Variants in DPP7 observed in about 807,000 individuals in gnomAD.
DPP7 encodes dipeptidyl peptidase 7.
A neutral mutation model predicts 58.8 loss-of-function variants in DPP7; 74 were observed. The observed-to-expected ratio is 1.26, with a 90% CI of 1.04 to 1.53. The LOEUF (loss-of-function observed/expected upper bound fraction) is 1.53, where lower values mean the gene tolerates loss of function less well. DPP7 is among the 40% of genes most tolerant of loss of function. The pLI is 0.00. For missense variants in DPP7, 807 were observed against 692.3 expected (o/e 1.17, Z -1.86); for synonymous variants, 350 against 303.6 (o/e 1.15, Z -1.59).
intron 8 of DPP7, 145 bp from the exon 9 acceptor site, chr9:137,112,375 C>T (rs1588664036): frequency 4.2e-6 from 3 of 712,726 alleles, no homozygotes; most frequent in Non-Finnish European, 6.8e-6. Context: ...GCCCTCCAGG[C>T]TACCTGCTTG....
chr9:137,117,160 T>C (rs1831657366), upstream of DPP7, among the ~76,000 whole-genome samples: 3 of 152,332 alleles, frequency 2.0e-5, no homozygotes, highest in South Asian at 6.2e-4. Context: ...GTGTCTTATT[T>C]CTTTTCTCAG....
At position 137,111,629 on chromosome 9, in the gene DPP7, C is replaced by A. The variant is rs1391500221; in HGVS notation, c.1272+61G>T. The stretch of plus-strand genomic sequence containing the variant: ...TTCCAGCCTGGGCGCCAGAGAAAGA[C>A]CCTGTCTCAAAAAAAAAACAAACAA... On this transcript the variant is annotated intron_variant, in intron 11 of 12. Coordinates refer to ENST00000371579, the MANE Select transcript of DPP7 (RefSeq NM_013379.3). 6 of 1,575,914 alleles carry A rather than the reference C, an allele frequency of 3.8e-6. No individual in the cohort carries two copies. In the African/African-American group the frequency reaches 6.8e-5, roughly 18 times the overall value.
rs1331587612 is a variant in DPP7 at position 137,113,188 on chromosome 9, G to A, written c.703+18C>T. Reference sequence around the variant, plus strand: ...GCTGGGGCGGGTCAGGCAGTGGGAGGCGGTGGGAGGACCTCACCTCCCTGT... The same window carrying A: ...GCTGGGGCGGGTCAGGCAGTGGGAGACGGTGGGAGGACCTCACCTCCCTGT... On this transcript the variant is annotated intron_variant, in intron 6 of 12. Coordinates refer to ENST00000371579, the MANE Select transcript of DPP7 (RefSeq NM_013379.3). The A allele has an allele frequency of 3.1e-6, 5 of 1,613,646 alleles. No individual in the cohort carries two copies. The South Asian group carries it at 5.5e-5, about 18-fold the overall frequency.
At chr9:137,114,972 T>G, upstream of DPP7, 2 of 311,962 alleles carry the variant, frequency 6.4e-6, no homozygotes, top group Admixed American at 5.1e-5. Context: ...CTCGTCCTCC[T>G]ACCGCGGCCC....
chr9:137,111,812 G>A (rs1164448699), intron 10 of DPP7, 58 bp from the exon 11 acceptor site: 6 of 1,613,020 alleles, frequency 3.7e-6, no homozygotes, highest in African/African-American at 2.7e-5. Flanking sequence ...TGAGCCATGG[G>A]CAGGGGGTGC....
upstream of DPP7, among the ~76,000 whole-genome samples, chr9:137,117,166 C>T (rs1831657424): frequency 6.6e-6 from 1 of 152,222 alleles, no homozygotes; most frequent in South Asian, 2.1e-4. Context: ...TATTTCTTTT[C>T]TCAGTCTCTC....
chr9:137,113,866 T>C lies in DPP7; in HGVS notation c.484A>G (p.Ser162Gly). 1 of 1,535,870 alleles carries C rather than the reference T, an allele frequency of 6.5e-7. No individual in the cohort carries two copies. Among genetic ancestry groups the C allele is most frequent in the South Asian group, 1.2e-5 (1 of 83,990 alleles). ...GCGGAGGCCGGGGGAGGCGCCCACC[T>C]TCCACCGAAGGCGATGGCGGGGGCA... ...QDAPAIAFGGSYGGMLSAYLR... is the reference protein window; with the variant it reads ...QDAPAIAFGGGYGGMLSAYLR... Residue 162 changes from serine (S) to glycine (G), a missense_variant and splice_region_variant, in exon 4 of 13, where the codon AGT (serine) becomes GGT (glycine). This residue lies in a region of DPP7 where 624 missense variants were observed against 531.2 expected (regional missense o/e 1.17). Transcript: ENST00000371579.
intron 11 of DPP7, 53 bp downstream of exon 11, chr9:137,111,637 C>G: frequency 7.4e-7 from 1 of 1,352,946 alleles, no homozygotes; most frequent in Non-Finnish European, 1.0e-6. Context: ...GACCCTGTCT[C>G]AAAAAAAAAA....
At position 137,110,666 on chromosome 9, in the gene DPP7, C is replaced by G; in HGVS notation, c.1461G>C (p.Gly487=). 1 of 1,601,306 alleles carries G rather than the reference C, an allele frequency of 6.2e-7. No homozygotes were observed. The highest frequency in any genetic ancestry group is 8.5e-7 in the Non-Finnish European group (1 of 1,179,834). ...CCTGTGCTCAGAGGCTGAGTCTGGG[C>G]CCCCCACGCAGAGCTGGCTGCTGCT... ...RREQQPALRG[G]PRLSL is the part of the protein sequence containing the mutation. The change falls in exon 13 of 13, where the codon GGG becomes GGC. Residue 487 remains glycine (G), a synonymous_variant. Coordinates refer to ENST00000371579, the MANE Select transcript of DPP7 (RefSeq NM_013379.3).
chr9:137,110,760 G>A lies in DPP7; in HGVS notation c.1367C>T (p.Ala456Val). The change falls in exon 13 of 13, where the codon GCT becomes GTT. Residue 456 changes from alanine (A) to valine (V), a missense_variant. Around this residue, in one of 3 missense-constraint regions of DPP7, gnomAD observed 624 missense variants for 531.2 expected, o/e 1.17. Coordinates refer to ENST00000371579, the MANE Select transcript of DPP7 (RefSeq NM_013379.3). ...DLRASHPEDP[A>V]SVVEARKLEA... ...CAGCTTCCGCGCCTCAACCACGGAA[G>A]CAGGATCTTCTGGGTGGGAGGCTCT... 1 of 1,606,272 alleles carries A rather than the reference G, an allele frequency of 6.2e-7. No individual in the cohort carries two copies. The highest frequency in any genetic ancestry group is 8.5e-7 in the Non-Finnish European group (1 of 1,179,818).
chr9:137,112,436 C>A (rs1564322066), intron 8 of DPP7: 1 of 625,692 alleles, frequency 1.6e-6, no homozygotes, highest in East Asian at 2.8e-5. Flanking sequence ...GTTGAGGGCC[C>A]CCCCGCTCTC....
At chr9:137,111,207 G>A (rs1291128434) in intron 11 of DPP7, among the ~76,000 whole-genome samples, 2 of 152,044 alleles carry the variant, frequency 1.3e-5, no homozygotes, top group African/African-American at 4.8e-5. Flanking sequence ...CAGGGTAGGG[G>A]CAGGTGAGGG....
At chr9:137,111,616 C>G (rs1003311379) in intron 11 of DPP7, 74 bp downstream of exon 11, 1 of 1,530,364 alleles carries the variant, frequency 6.5e-7, no homozygotes, top group Non-Finnish European at 9.0e-7. Context: ...CCAGCCTGGG[C>G]GCCAGAGAAA....
In DPP7 at chr9:137,113,873, GA is replaced by G; in HGVS notation, c.476del (p.Phe159SerfsTer13). The G allele has an allele frequency of 6.5e-7, 1 of 1,546,862 alleles. No individual in the cohort carries two copies. Among genetic ancestry groups the G allele is most frequent in the Non-Finnish European group, 8.7e-7 (1 of 1,151,658 alleles). ...LGAQDAPAIA[F>X]GGSYGGMLSA... is the part of the protein sequence containing the mutation. ...CCGGGGGAGGCGCCCACCTTCCACC[GA>G]AGGCGATGGCGGGGGCATCCTGGGC... On this transcript the variant is annotated frameshift_variant, in exon 4 of 13. Transcript: ENST00000371579. LOFTEE classifies it high-confidence loss of function.
rs1450302325 is a variant in DPP7, at chr9:137,110,719, C to T, written c.1408G>A (p.Gly470Ser). 34 of 1,607,988 alleles carry T rather than the reference C, an allele frequency of 2.1e-5. No homozygotes were observed. The highest frequency in any genetic ancestry group is 2.6e-5 in the Non-Finnish European group (31 of 1,179,916). Residue 470 changes from glycine (G) to serine (S), a missense_variant, in exon 13 of 13, where the codon GGC becomes AGC. By Grantham distance (56) the Gly-to-Ser change is moderately conservative (BLOSUM62 0). This residue lies in a region of DPP7 where 624 missense variants were observed against 531.2 expected (regional missense o/e 1.17). Transcript: ENST00000371579. Reference sequence around the variant, plus strand: ...CGCCTGGCTGCCTTTACCCACTCGCCGATGATGGTGGCCTCCAGCTTCCGC... The same window carrying T: ...CGCCTGGCTGCCTTTACCCACTCGCTGATGATGGTGGCCTCCAGCTTCCGC... ...EARKLEATII[G>S]EWVKAARREQ... is the part of the protein sequence containing the mutation.
At chr9:137,116,706 G>A (rs929877784), upstream of DPP7, among the ~76,000 whole-genome samples, 3 of 152,230 alleles carry the variant, frequency 2.0e-5, no homozygotes, top group African/African-American at 7.2e-5. Context: ...AGTGAAAGAG[G>A]GAGGCCTCTT....
At position 137,110,997 on chromosome 9, in the gene DPP7, G is replaced by T. The variant is rs142106833; in HGVS notation, c.1273-47C>A. 8.0e-4 allele frequency: 1,275 copies of T among 1,586,420 alleles called. 12 individuals carry two copies. The African/African-American group carries it at 0.015, about 19-fold the overall frequency. On this transcript the variant is annotated intron_variant, in intron 11 of 12. Coordinates refer to ENST00000371579, the MANE Select transcript of DPP7 (RefSeq NM_013379.3). ...CCATCAGGTGAGGAACGAGGCAACT[G>T]CCCAGCCTCCGTGGGCCCATTGGAG... is the stretch of plus-strand genomic sequence containing the variant.
chr9:137,117,805 G>C (rs1831666330), upstream of DPP7, among the ~76,000 whole-genome samples: 1 of 152,092 alleles, frequency 6.6e-6, no homozygotes. Context: ...GGTGGCATTA[G>C]GTACATTCCT....
At position 137,111,762 on chromosome 9, in the gene DPP7, G is replaced by A. The variant is rs1564320579; in HGVS notation, c.1208-8C>T. On this transcript the variant is annotated splice_region_variant and splice_polypyrimidine_tract_variant and intron_variant, in intron 10 of 12. Coordinates refer to ENST00000371579, the MANE Select transcript of DPP7 (RefSeq NM_013379.3). ...TGCTGGCGGCTCTGAGATCTGCAAG[G>A]GGCAGAGAAAGTTGTGATGTGGGCC... is the stretch of plus-strand genomic sequence containing the variant. 1.9e-6 allele frequency: 3 copies of A among 1,613,730 alleles called. No individual in the cohort carries two copies. Among genetic ancestry groups the A allele is most frequent in the Non-Finnish European group, 2.5e-6 (3 of 1,180,006 alleles).
Sources: allele counts gnomAD v4.1 joint callset (sites outside exome capture counted in the v4.1 genomes callset), GRCh38; gene constraint gnomAD v4.1.1; regional missense constraint gnomAD v4.1.1; transcripts MANE v1.5; gene names NCBI Gene and HGNC (gene_info 2026-07-23, HGNC 2026-07-21).